The following NFIL3 variants were observed in gnomAD, a reference collection of about 807,000 sequenced individuals.
NFIL3 encodes the protein nuclear factor, interleukin 3 regulated.
In NFIL3, 5 loss-of-function variants were observed where a neutral mutation model predicts 10.0. That is an observed-to-expected ratio of 0.50 (90% CI 0.26 to 1.06). The LOEUF (loss-of-function observed/expected upper bound fraction) is 1.06, where lower values mean the gene tolerates loss of function less well. NFIL3 is among the 50% of genes least tolerant of loss of function. The pLI is 0.13. For missense variants in NFIL3, 436 were observed against 547.6 expected (o/e 0.80, Z 2.03); for synonymous variants, 202 against 206.5 (o/e 0.98, Z 0.19).
At chr9:91,413,397 C>T (rs1011460257) in intron 1 of NFIL3, among the ~76,000 whole-genome samples, 1 of 151,934 alleles carries the variant, frequency 6.6e-6, no homozygotes, top group Non-Finnish European at 1.5e-5. Flanking sequence ...TACAGTTACG[C>T]GCCACCACGC....
chr9:91,467,466 T>C, the NFIL3 span, among the ~76,000 whole-genome samples: 70,757 of 151,998 alleles, frequency 0.47, 21,107 homozygotes, highest in African/African-American at 0.84. Flanking sequence ...ATATTAACCA[T>C]GTATACTGCA....
chr9:91,455,388 C>T, the NFIL3 span, among the ~76,000 whole-genome samples: 1 of 152,096 alleles, frequency 6.6e-6, no homozygotes, highest in Non-Finnish European at 1.5e-5. Flanking sequence ...CCCATCTCCC[C>T]ATTTTATTTG....
the NFIL3 span, among the ~76,000 whole-genome samples, chr9:91,435,971 A>G: frequency 6.6e-6 from 1 of 152,204 alleles, no homozygotes; most frequent in Non-Finnish European, 1.5e-5. Context: ...TTTGGCTAAT[A>G]TGAGCAGAAC....
At chr9:91,455,110 A>T in the NFIL3 span, among the ~76,000 whole-genome samples, 1 of 152,146 alleles carries the variant, frequency 6.6e-6, no homozygotes. Context: ...TATGAGGGTG[A>T]TGTTCCCTTT....
At chr9:91,482,111 A>G in the NFIL3 span, among the ~76,000 whole-genome samples, 1 of 152,174 alleles carries the variant, frequency 6.6e-6, no homozygotes, top group Non-Finnish European at 1.5e-5. Context: ...ATCCATTAAA[A>G]AGTTAAAATG....
chr9:91,411,925 AC>A (rs1833557794), intron 1 of NFIL3, among the ~76,000 whole-genome samples: 1 of 151,898 alleles, frequency 6.6e-6, no homozygotes, highest in African/African-American at 2.4e-5. Flanking sequence ...ACATGGTGAA[AC>A]CCCATCTCTA....
chr9:91,459,585 T>C, the NFIL3 span, among the ~76,000 whole-genome samples: 1 of 152,132 alleles, frequency 6.6e-6, no homozygotes, highest in African/African-American at 2.4e-5. Flanking sequence ...CTCAGGAAGC[T>C]GAGGCAGGAG....
upstream of NFIL3, among the ~76,000 whole-genome samples, chr9:91,424,059 G>C (rs1474890878): frequency 6.6e-6 from 1 of 150,770 alleles, no homozygotes; most frequent in Non-Finnish European, 1.5e-5. Flanking sequence ...CCCCGGCCAG[G>C]GCCACCGCCG....
At chr9:91,451,845 G>A in the NFIL3 span, among the ~76,000 whole-genome samples, 62,804 of 152,050 alleles carry the variant, frequency 0.41, 16,622 homozygotes, top group African/African-American at 0.75. Flanking sequence ...GAAGTCCTTT[G>A]TCTCTGACCC....
the NFIL3 span, among the ~76,000 whole-genome samples, chr9:91,449,770 C>T: frequency 1.3e-5 from 2 of 151,924 alleles, no homozygotes; most frequent in African/African-American, 4.8e-5. Context: ...AAAAACAGTT[C>T]AAGGTTTGGT....
upstream of NFIL3, among the ~76,000 whole-genome samples, chr9:91,424,228 C>T (rs1441866801): frequency 6.6e-6 from 1 of 152,110 alleles, no homozygotes; most frequent in East Asian, 1.9e-4. Context: ...CTCCCGGTCG[C>T]CGCGGTGGCT....
chr9:91,451,427 T>C, the NFIL3 span, among the ~76,000 whole-genome samples: 1 of 152,214 alleles, frequency 6.6e-6, no homozygotes, highest in South Asian at 2.1e-4. Context: ...ACTCTTAACA[T>C]ACCACATTTT....
At chr9:91,455,125 A>G in the NFIL3 span, among the ~76,000 whole-genome samples, 1 of 152,172 alleles carries the variant, frequency 6.6e-6, no homozygotes, top group Non-Finnish European at 1.5e-5. Flanking sequence ...CCCTTTGATC[A>G]TTTGGGTAAG....
chr9:91,466,391 G>A, the NFIL3 span, among the ~76,000 whole-genome samples: 3 of 152,150 alleles, frequency 2.0e-5, no homozygotes, highest in Non-Finnish European at 4.4e-5. Flanking sequence ...GTGGATGAAA[G>A]TAGTTATAAA....
the NFIL3 span, among the ~76,000 whole-genome samples, chr9:91,447,056 T>G: frequency 1.3e-5 from 2 of 152,198 alleles, no homozygotes; most frequent in African/African-American, 4.8e-5. Context: ...CCTCAGGTTA[T>G]CTGCTTGCCT....
At chr9:91,447,392 TCTTGAGGAA>T in the NFIL3 span, among the ~76,000 whole-genome samples, 1 of 152,218 alleles carries the variant, frequency 6.6e-6, no homozygotes, top group Non-Finnish European at 1.5e-5. Flanking sequence ...ATGTTTAGCT[TCTTGAGGAA>T]CTGGCAAATT....
chr9:91,476,634 G>T, the NFIL3 span, among the ~76,000 whole-genome samples: 2 of 151,496 alleles, frequency 1.3e-5, no homozygotes, highest in African/African-American at 2.4e-5. Context: ...TCAACCTTTG[G>T]TAGTCTATGA....
At chr9:91,438,807 T>C in the NFIL3 span, among the ~76,000 whole-genome samples, 1 of 152,196 alleles carries the variant, frequency 6.6e-6, no homozygotes, top group Non-Finnish European at 1.5e-5. Flanking sequence ...TGGTCAAAAC[T>C]TAATTGACCA....
the NFIL3 span, among the ~76,000 whole-genome samples, chr9:91,474,126 C>T: frequency 9.3e-4 from 140 of 150,536 alleles, no homozygotes; most frequent in Non-Finnish European, 1.2e-3. Context: ...TCCCCTTTGT[C>T]CCTAGTTTGC....
Sources: gnomAD v4.1 joint callset for allele counts (sites outside exome capture counted in the v4.1 genomes callset) on GRCh38, gnomAD v4.1.1 for gene constraint, MANE v1.5 for transcripts, NCBI Gene and HGNC (gene_info 2026-07-23, HGNC 2026-07-21) for gene names.